Variants in DUOX1 observed in about 807,000 individuals in gnomAD.
DUOX1 encodes dual oxidase 1, also known as NADPH thyroid oxidase 1.
A neutral mutation model predicts 181.8 loss-of-function variants in DUOX1; 134 were observed. That is an observed-to-expected ratio of 0.74 (90% CI 0.64 to 0.85). DUOX1 has a LOEUF of 0.85. DUOX1 is among the 40% of genes least tolerant of loss of function. The probability of loss-of-function intolerance (pLI) is 0.00; values close to 1 mark genes in which losing one functional copy is unlikely to be tolerated. For missense variants in DUOX1, 1,814 were observed against 2,064.4 expected (o/e 0.88, Z 2.35); for synonymous variants, 798 against 832.5 (o/e 0.96, Z 0.71).
rs550543704 is a variant in DUOX1 at position 45,146,517 on chromosome 15, G to T, written c.2323-916G>T. Among the ~76,000 whole-genome samples, 12 of 152,276 alleles carry T rather than the reference G, an allele frequency of 7.9e-5. No individual in the cohort carries two copies. In the South Asian group the frequency reaches 2.5e-3, roughly 32 times the overall value. On this transcript the variant is annotated intron_variant, in intron 18 of 33. Transcript: ENST00000389037. ...GCTGTCAGTGTCTCATATGATTTCA[G>T]CTTTCAGAACATTTTCAACACAACC...
rs751561010 is a variant in DUOX1 at position 45,164,807 on chromosome 15, GC to G, written c.4568del (p.Pro1523LeufsTer3). The stretch of plus-strand genomic sequence containing the variant: ...CGGAAGATCGGGGTGTTTAGCTGTG[GC>G]CCCCCTGGCATGACCAAGAATGTGG... ...QVRKIGVFSC[G>X]PPGMTKNVEK... On this transcript the variant is annotated frameshift_variant, in exon 34 of 34. Coordinates refer to ENST00000389037, the MANE Select transcript of DUOX1 (RefSeq NM_175940.3). LOFTEE classifies it high-confidence loss of function. 8 of 1,614,082 alleles carry G rather than the reference GC, an allele frequency of 5.0e-6. No homozygotes were observed. In the East Asian group the frequency reaches 1.8e-4, roughly 36 times the overall value.
At chr15:45,137,778 C>T in intron 9 of DUOX1, 146 bp from the exon 10 acceptor site, 1 of 566,114 alleles carries the variant, frequency 1.8e-6, no homozygotes, top group East Asian at 2.9e-5. Context: ...GTCAGACCCT[C>T]CAGGATGTGC....
At position 45,152,384 on chromosome 15, in the gene DUOX1, T is replaced by C. The variant is rs1896838423; in HGVS notation, c.3292T>C (p.Ser1098Pro). 1.2e-6 allele frequency: 2 copies of C among 1,614,184 alleles called. No individual in the cohort carries two copies. The highest frequency in any genetic ancestry group is 2.7e-5 in the African/African-American group (2 of 75,042). The change falls in exon 25 of 34, where the codon TCC (serine) becomes CCC (proline). Residue 1098 changes from serine (S) to proline (P), a missense_variant. By Grantham distance (74) the Ser-to-Pro change is moderately conservative. Coordinates refer to ENST00000389037, the MANE Select transcript of DUOX1 (RefSeq NM_175940.3). ...AGCAGCCAGCATCTCTTTCATGTTCTCCTACATCTTGCTCACCATGTGCCG... is the reference window on the plus strand; with the variant it reads ...AGCAGCCAGCATCTCTTTCATGTTCCCCTACATCTTGCTCACCATGTGCCG... ...GTAASISFMF[S>P]YILLTMCRNL...
rs201198610 is a variant in DUOX1, at chr15:45,142,068, T to C, written c.1778T>C (p.Phe593Ser). Residue 593 changes from phenylalanine to serine, a missense_variant, in exon 15 of 34, where the codon TTT becomes TCT. Physicochemically the swap from Phe to Ser is radical, Grantham distance 155. Transcript: ENST00000389037. ...VVRDYFEGSG[F>S]GFGVTIGTLC... ...CGTGACTATTTTGAGGGCAGTGGAT[T>C]TGGCTTCGGGGTCACCATCGGGACC... 1,157 of 1,614,076 alleles carry C rather than the reference T, an allele frequency of 7.2e-4. 3 individuals are homozygous for C. The highest frequency in any genetic ancestry group is 2.8e-3 in the Admixed American group (171 of 60,022).
rs755603638 is a variant in DUOX1, at chr15:45,140,878, C to T, written c.1390-17C>T. 49 of 1,611,654 alleles carry T rather than the reference C, an allele frequency of 3.0e-5. 1 individual carries two copies. The Middle Eastern group carries it at 1.8e-3, about 60-fold the overall frequency. Reference sequence around the variant, plus strand: ...TGCCGTGTCCTTTCTCTTACTTCTGCCCCTTCTTGGTTCCAGGTACTGGAG... The same window carrying T: ...TGCCGTGTCCTTTCTCTTACTTCTGTCCCTTCTTGGTTCCAGGTACTGGAG... On this transcript the variant is annotated splice_polypyrimidine_tract_variant and intron_variant, in intron 12 of 33. Coordinates refer to ENST00000389037, the MANE Select transcript of DUOX1 (RefSeq NM_175940.3).
chr15:45,131,058 C>G (rs569008866), intron 1 of DUOX1, among the ~76,000 whole-genome samples: 1 of 152,316 alleles, frequency 6.6e-6, no homozygotes, highest in Admixed American at 6.5e-5. Context: ...CCTGGGTTCT[C>G]TCCTCTAGAC....
At position 45,152,359 on chromosome 15, in the gene DUOX1, A is replaced by G; in HGVS notation, c.3267A>G (p.Thr1089=). The G allele has an allele frequency of 1.2e-6, 2 of 1,614,210 alleles. No individual in the cohort carries two copies. The highest frequency in any genetic ancestry group is 1.7e-6 in the Non-Finnish European group (2 of 1,180,032). Residue 1089 remains threonine, a synonymous_variant, in exon 25 of 34, where the codon ACA becomes ACG. Transcript: ENST00000389037. ...TRVGIILSRG[T]AASISFMFSY... Reference sequence around the variant, plus strand: ...TGGGAATCATCCTGTCGCGGGGCACAGCAGCCAGCATCTCTTTCATGTTCT... The same window carrying G: ...TGGGAATCATCCTGTCGCGGGGCACGGCAGCCAGCATCTCTTTCATGTTCT...
chr15:45,143,209 G>A lies in DUOX1; in HGVS notation c.1842G>A (p.Trp614Ter). Residue 614 changes from tryptophan (W) to a stop codon, truncating the protein, a stop_gained, in exon 16 of 34, where the codon TGG becomes TGA. Coordinates refer to ENST00000389037, the MANE Select transcript of DUOX1 (RefSeq NM_175940.3). LOFTEE classifies it high-confidence loss of function. ...TCCCAGTGAGCCTGCTCAGTGCCTG[G>A]ATTGTTGCCCGGCTCCGGATGAGAA... ...CFPLVSLLSA[W>*]IVARLRMRNF... 1.2e-6 allele frequency: 2 copies of A among 1,614,086 alleles called. No homozygotes were observed. Among genetic ancestry groups the A allele is most frequent in the Non-Finnish European group, 1.7e-6 (2 of 1,179,994 alleles).
chr15:45,134,428 G>A (rs1051811129), intron 4 of DUOX1, 119 bp downstream of exon 4: 6 of 1,102,114 alleles, frequency 5.4e-6, no homozygotes, highest in Non-Finnish European at 7.5e-6. Context: ...GAGGGTGAGA[G>A]GTGGAGGAGG....
rs1054983136 is a variant in DUOX1 at position 45,135,451 on chromosome 15, C to T, written c.496-23C>T. The T allele has an allele frequency of 4.8e-5, 74 of 1,543,922 alleles. No individual in the cohort carries two copies. The Middle Eastern group carries it at 9.1e-4, about 19-fold the overall frequency. On this transcript the variant is annotated intron_variant, in intron 5 of 33. Coordinates refer to ENST00000389037, the MANE Select transcript of DUOX1 (RefSeq NM_175940.3). ...GCTCGCCGCCGCCCATCGACCCGGG[C>T]TCACCCGCCGCGTGCCCCGCAGGCC... is the stretch of plus-strand genomic sequence containing the variant.
chr15:45,143,350 G>A (rs774420733), intron 16 of DUOX1, 47 bp downstream of exon 16: 2 of 1,488,918 alleles, frequency 1.3e-6, no homozygotes, highest in Non-Finnish European at 1.9e-6. Context: ...ACATGGCTCA[G>A]CGCTACAGCT....
intron 31 of DUOX1, 45 bp downstream of exon 31, chr15:45,162,422 C>T: frequency 6.3e-7 from 1 of 1,594,290 alleles, no homozygotes; most frequent in Non-Finnish European, 8.6e-7. Flanking sequence ...CCCCTTCTTC[C>T]TTGTCATGGT....
At chr15:45,132,405 A>C (rs1896178385) in intron 2 of DUOX1, among the ~76,000 whole-genome samples, 1 of 152,258 alleles carries the variant, frequency 6.6e-6, no homozygotes, top group Non-Finnish European at 1.5e-5. Context: ...GATTGGACCC[A>C]AAGCTGAAGG....
intron 15 of DUOX1, 98 bp from the exon 16 acceptor site, chr15:45,143,092 G>T: frequency 1.2e-6 from 1 of 866,070 alleles, no homozygotes; most frequent in Non-Finnish European, 1.8e-6. Context: ...AGGAGGTGGG[G>T]ACAATAGGTG....
At chr15:45,139,248 T>G in intron 11 of DUOX1, 80 bp downstream of exon 11, 1 of 1,609,230 alleles carries the variant, frequency 6.2e-7, no homozygotes, top group Non-Finnish European at 8.5e-7. Flanking sequence ...GAACCAGGTA[T>G]GAGGGGGTGC....
chr15:45,132,825 G>A (rs963840890), intron 2 of DUOX1, among the ~76,000 whole-genome samples: 1 of 152,032 alleles, frequency 6.6e-6, no homozygotes, highest in Non-Finnish European at 1.5e-5. Context: ...TCCCTGTACT[G>A]TCCTGCAAAG....
At chr15:45,157,808 C>T (rs974881763) in intron 28 of DUOX1, among the ~76,000 whole-genome samples, 1 of 124,378 alleles carries the variant, frequency 8.0e-6, no homozygotes, top group African/African-American at 2.7e-5. Context: ...AACAGATGGA[C>T]AGCCTGTTTA....
chr15:45,142,020 C>T lies in DUOX1; in HGVS notation c.1730C>T (p.Pro577Leu), dbSNP rs778996209. 2 of 1,613,820 alleles carry T rather than the reference C, an allele frequency of 1.2e-6. No individual in the cohort carries two copies. The highest frequency in any genetic ancestry group is 1.3e-5 in the African/African-American group (1 of 75,016). The change falls in exon 15 of 34, where the codon CCA (proline) becomes CTA (leucine). Residue 577 changes from proline to leucine, a missense_variant. Pro to Leu is a moderately conservative substitution (Grantham distance 98). This residue lies in a region of DUOX1 where 1,064 missense variants were observed against 1,152.9 expected (regional missense o/e 0.92). Coordinates refer to ENST00000389037, the MANE Select transcript of DUOX1 (RefSeq NM_175940.3). The part of the protein sequence containing the change: ...QPRQLSTEGL[P>L]ACAPSVVRDY... ...AGACAGCTCAGCACTGAAGGCCTGCCAGCGTGTGCTCCCTCTGTTGTTCGT... is the reference window on the plus strand; with the variant it reads ...AGACAGCTCAGCACTGAAGGCCTGCTAGCGTGTGCTCCCTCTGTTGTTCGT...
intron 12 of DUOX1, 168 bp downstream of exon 12, chr15:45,139,767 AC>A: frequency 1.3e-6 from 1 of 791,862 alleles, no homozygotes; most frequent in Non-Finnish European, 1.9e-6. Flanking sequence ...GATGAAGATT[AC>A]CAGACCAGCA....
Sources: gnomAD v4.1 joint callset for allele counts (sites outside exome capture counted in the v4.1 genomes callset) on GRCh38, gnomAD v4.1.1 for gene constraint, gnomAD v4.1.1 regional missense constraint, MANE v1.5 for transcripts, NCBI Gene and HGNC (gene_info 2026-07-23, HGNC 2026-07-21) for gene names.